OR5H14: variants seen among roughly 807,000 people sequenced by gnomAD.
The protein encoded by OR5H14 is olfactory receptor 5H14.
For missense variants in OR5H14, 392 were observed against 363.9 expected, an observed-to-expected ratio of 1.08 and a Z score of -0.63; for synonymous variants, 155 against 130.6, an observed-to-expected ratio of 1.19 and a Z score of -1.28.
chr3:98,149,735 C>T lies in OR5H14; in HGVS notation c.350C>T (p.Thr117Ile), dbSNP rs1559807885. Residue 117 changes from threonine to isoleucine, a missense_variant, in exon 2 of 2, where the codon ACA becomes ATA. By Grantham distance (89) the Thr-to-Ile change is moderately conservative. Transcript: ENST00000641380. ...SVTTECFLLATMAYDRYVAIC... is the reference protein window; with the variant it reads ...SVTTECFLLAIMAYDRYVAIC... ...ACCACGGAATGTTTTCTCTTGGCAA[C>T]AATGGCATATGATCGCTATGTAGCC... is the stretch of plus-strand genomic sequence containing the variant. The T allele has an allele frequency of 6.2e-7, 1 of 1,613,228 alleles. No individual in the cohort carries two copies. The highest frequency in any genetic ancestry group is 8.5e-7 in the Non-Finnish European group (1 of 1,179,638).
chr3:98,149,616 G>T lies in OR5H14; in HGVS notation c.231G>T (p.Val77=), dbSNP rs1486169183. 8.7e-6 allele frequency: 14 copies of T among 1,613,464 alleles called. 1 individual carries two copies. Among genetic ancestry groups the T allele is most frequent in the African/African-American group, 5.3e-5 (4 of 74,878 alleles). The stretch of plus-strand genomic sequence containing the variant: ...TGGATGCTTTGTTATCATCCTCAGT[G>T]ACTCTGAAGATGCTGATCAACTTCT... The part of the protein sequence containing the change: ...AFVDALLSSS[V]TLKMLINFLA... Residue 77 remains valine, a synonymous_variant, in exon 2 of 2, where the codon GTG becomes GTT. Transcript: ENST00000641380.
rs1190092335 is a variant in OR5H14 at position 98,155,137 on chromosome 3, A to C, written c.*4819A>C. On this transcript the variant is annotated 3_prime_UTR_variant, in exon 2 of 2. Coordinates refer to ENST00000641380, the MANE Select transcript of OR5H14 (RefSeq NM_001005514.2). ...CCACCCCCCTGCTGCAGGATCCACAAGAAGACAGTTTTAACCCCTATGATT... is the reference window on the plus strand; with the variant it reads ...CCACCCCCCTGCTGCAGGATCCACACGAAGACAGTTTTAACCCCTATGATT... 1.3e-5 allele frequency: 2 copies of C among 148,228 alleles called. No homozygotes were observed. The highest frequency in any genetic ancestry group is 3.0e-5 in the Non-Finnish European group (2 of 67,320). The allele number at this position is 148,228 out of a possible 1,614,324, so 9.2% of individuals were successfully genotyped here.
Position 98,149,770 on chromosome 3 carries a change from C to T in OR5H14, c.385C>T (p.Pro129Ser). ...AYDRYVAICKPLLYPAIMTNG... is the reference protein window; with the variant it reads ...AYDRYVAICKSLLYPAIMTNG... ...TGATCGCTATGTAGCCATATGCAAA[C>T]CCTTACTTTATCCAGCCATTATGAC... The change falls in exon 2 of 2, where the codon CCC becomes TCC. Residue 129 changes from proline (P) to serine (S), a missense_variant. Physicochemically the swap from Pro to Ser is moderately conservative, Grantham distance 74. Coordinates refer to ENST00000641380, the MANE Select transcript of OR5H14 (RefSeq NM_001005514.2). 2 of 1,612,680 alleles carry T rather than the reference C, an allele frequency of 1.2e-6. No homozygotes were observed. The highest frequency in any genetic ancestry group is 2.2e-5 in the South Asian group (2 of 91,066).
rs995759660 is a variant in OR5H14 at position 98,151,551 on chromosome 3, C to T, written c.*1233C>T. The stretch of plus-strand genomic sequence containing the variant: ...CCCTTCTAGCACTCATTCATTCCCC[C>T]ATTTTGATGTCAGATTGTTTTTTCA... On this transcript the variant is annotated 3_prime_UTR_variant, in exon 2 of 2. Coordinates refer to ENST00000641380, the MANE Select transcript of OR5H14 (RefSeq NM_001005514.2). 2.0e-5 allele frequency: 3 copies of T among 152,054 alleles called. No individual in the cohort carries two copies. Among genetic ancestry groups the T allele is most frequent in the African/African-American group, 7.2e-5 (3 of 41,416 alleles). The allele number at this position is 152,054 out of a possible 1,614,324, so 9.4% of individuals were successfully genotyped here. A position where few individuals can be genotyped will look rare whatever the true frequency, so the allele number is the denominator to read the frequency against.
chr3:98,150,053 A>G lies in OR5H14; in HGVS notation c.668A>G (p.Tyr223Cys), dbSNP rs1419347674. 7 of 1,611,594 alleles carry G rather than the reference A, an allele frequency of 4.3e-6. No homozygotes were observed. The African/African-American group carries it at 5.4e-5, about 12-fold the overall frequency. ...TVLISYIFVL[Y>C]TILKKKSVKG... Reference sequence around the variant, plus strand: ...CTTATATCTTACATATTTGTCCTCTATACAATCTTGAAAAAGAAGTCTGTC... The same window carrying G: ...CTTATATCTTACATATTTGTCCTCTGTACAATCTTGAAAAAGAAGTCTGTC... Residue 223 changes from tyrosine to cysteine, a missense_variant, in exon 2 of 2, where the codon TAT becomes TGT. Physicochemically the swap from Tyr to Cys is radical, Grantham distance 194. Coordinates refer to ENST00000641380, the MANE Select transcript of OR5H14 (RefSeq NM_001005514.2).
In OR5H14 at chr3:98,149,585, C is replaced by A. The variant is rs776414740; in HGVS notation, c.200C>A (p.Ala67Asp). The change falls in exon 2 of 2, where the codon GCT (alanine) becomes GAT (aspartate). Residue 67 changes from alanine (A) to aspartate (D), a missense_variant. Coordinates refer to ENST00000641380, the MANE Select transcript of OR5H14 (RefSeq NM_001005514.2). Reference sequence around the variant, plus strand: ...ATGTACTTACTCCTTGGGAATTTAGCTTTTGTGGATGCTTTGTTATCATCC... The same window carrying A: ...ATGTACTTACTCCTTGGGAATTTAGATTTTGTGGATGCTTTGTTATCATCC... Reference protein sequence around the residue: ...IPMYLLLGNLAFVDALLSSSV... With the variant: ...IPMYLLLGNLDFVDALLSSSV... The A allele has an allele frequency of 4.3e-6, 7 of 1,613,532 alleles. No individual in the cohort carries two copies. In the South Asian group the frequency reaches 5.5e-5, roughly 13 times the overall value.
rs1194437104 is a variant in OR5H14, at chr3:98,152,210, A to G, written c.*1892A>G. ...CATTTATCCTGTTGGTGGGAGTGTA[A>G]TTAGTTCAACCTTTGTGGAAGACAG... On this transcript the variant is annotated 3_prime_UTR_variant, in exon 2 of 2. Coordinates refer to ENST00000641380, the MANE Select transcript of OR5H14 (RefSeq NM_001005514.2). 1 of 152,154 alleles carries G rather than the reference A, an allele frequency of 6.6e-6. No individual in the cohort carries two copies. The highest frequency in any genetic ancestry group is 1.5e-5 in the Non-Finnish European group (1 of 68,032). 9.4% of individuals were successfully genotyped at this position (152,154 alleles called of 1,614,324 possible).
chr3:98,150,151 G>T lies in OR5H14; in HGVS notation c.766G>T (p.Ala256Ser). ...LSVSLYYGPL[A>S]FMYMGSASPQ... is the part of the protein sequence containing the mutation. ...TGTATCTTTATACTATGGGCCCCTC[G>T]CCTTCATGTATATGGGCTCTGCATC... is the stretch of plus-strand genomic sequence containing the variant. The change falls in exon 2 of 2, where the codon GCC becomes TCC. Residue 256 changes from alanine (A) to serine (S), a missense_variant. By Grantham distance (99) the Ala-to-Ser change is moderately conservative (BLOSUM62 1). Transcript: ENST00000641380. 6.2e-7 allele frequency: 1 copy of T among 1,611,958 alleles called. No homozygotes were observed. The highest frequency in any genetic ancestry group is 8.5e-7 in the Non-Finnish European group (1 of 1,179,466).
rs1445834334 is a variant in OR5H14 at position 98,151,093 on chromosome 3, TAGAAA to T, written c.*784_*788del. On this transcript the variant is annotated 3_prime_UTR_variant, in exon 2 of 2. Coordinates refer to ENST00000641380, the MANE Select transcript of OR5H14 (RefSeq NM_001005514.2). ...AATAGAACTTAGTTTAAAGTGGGGA[TAGAAA>T]AGAAAAGATAAATGGCATAGTGGGA... The T allele has an allele frequency of 6.6e-6, 1 of 151,930 alleles. No individual in the cohort carries two copies. The highest frequency in any genetic ancestry group is 2.4e-5 in the African/African-American group (1 of 41,356). The allele number at this position is 151,930 out of a possible 1,614,324, so 9.4% of individuals were successfully genotyped here. A position where few individuals can be genotyped will look rare whatever the true frequency, so the allele number is the denominator to read the frequency against.
In OR5H14 at chr3:98,152,102, A is replaced by T. The variant is rs1366182555; in HGVS notation, c.*1784A>T. ...ATGCAAATCAAAACCACAGTGAGATACCATCTCACGCCAGTTAGAATGGCA... is the reference window on the plus strand; with the variant it reads ...ATGCAAATCAAAACCACAGTGAGATTCCATCTCACGCCAGTTAGAATGGCA... On this transcript the variant is annotated 3_prime_UTR_variant, in exon 2 of 2. Transcript: ENST00000641380. 1.3e-5 allele frequency: 2 copies of T among 152,202 alleles called. No individual in the cohort carries two copies. Among genetic ancestry groups the T allele is most frequent in the African/African-American group, 4.8e-5 (2 of 41,450 alleles). The allele number at this position is 152,202 out of a possible 1,614,324, so 9.4% of individuals were successfully genotyped here. A position where few individuals can be genotyped will look rare whatever the true frequency, so the allele number is the denominator to read the frequency against.
intron 1 of OR5H14, 106 bp from the exon 2 acceptor site, chr3:98,149,262 A>T (rs1446334630): frequency 4.3e-6 from 5 of 1,169,098 alleles, no homozygotes; most frequent in Non-Finnish European, 6.0e-6. Flanking sequence ...ATGATCAAAA[A>T]ATTGAGTCTC....
rs1371984665 is a variant in OR5H14, at chr3:98,153,811, A to G, written c.*3493A>G. The G allele has an allele frequency of 6.6e-6, 1 of 152,172 alleles. No homozygotes were observed. Among genetic ancestry groups the G allele is most frequent in the East Asian group, 1.9e-4 (1 of 5,194 alleles). The allele number at this position is 152,172 out of a possible 1,614,324, so 9.4% of individuals were successfully genotyped here. A position where few individuals can be genotyped will look rare whatever the true frequency, so the allele number is the denominator to read the frequency against. ...TTTAGCAGCCAGCTCAGTTGCATGT[A>G]TGAAGATTGTCCTCTGAAGTTTATA... On this transcript the variant is annotated 3_prime_UTR_variant, in exon 2 of 2. Coordinates refer to ENST00000641380, the MANE Select transcript of OR5H14 (RefSeq NM_001005514.2).
intron 1 of OR5H14, among the ~76,000 whole-genome samples, chr3:98,148,665 A>G (rs192578854): frequency 3.9e-5 from 6 of 152,142 alleles, no homozygotes; most frequent in East Asian, 3.9e-4. Flanking sequence ...TTGTCTTACC[A>G]TCTCTTCCAA....
At position 98,155,325 on chromosome 3, in the gene OR5H14, T is replaced by C. The variant is rs1576108039; in HGVS notation, c.*5007T>C. 6.6e-6 allele frequency: 1 copy of C among 152,220 alleles called. No individual in the cohort carries two copies. The highest frequency in any genetic ancestry group is 2.4e-5 in the African/African-American group (1 of 41,472). 9.4% of individuals were successfully genotyped at this position (152,220 alleles called of 1,614,324 possible). Reference sequence around the variant, plus strand: ...AATTCTATATGGATTAAACTCTCTATTGTAATTCCTCTGTCTTGGTAATGG... The same window carrying C: ...AATTCTATATGGATTAAACTCTCTACTGTAATTCCTCTGTCTTGGTAATGG... On this transcript the variant is annotated 3_prime_UTR_variant, in exon 2 of 2. Transcript: ENST00000641380.
At position 98,150,179 on chromosome 3, in the gene OR5H14, C is replaced by T. The variant is rs763447194; in HGVS notation, c.794C>T (p.Pro265Leu). 5.0e-6 allele frequency: 8 copies of T among 1,612,726 alleles called. No homozygotes were observed. Among genetic ancestry groups the T allele is most frequent in the Middle Eastern group, 1.7e-4 (1 of 5,734 alleles). Residue 265 changes from proline (P) to leucine (L), a missense_variant, in exon 2 of 2, where the codon CCA (proline) becomes CTA (leucine). Transcript: ENST00000641380. The stretch of plus-strand genomic sequence containing the variant: ...TTCATGTATATGGGCTCTGCATCCC[C>T]ACAGGCTGATGACCAAGATATGATG... ...LAFMYMGSAS[P>L]QADDQDMMES...
chr3:98,149,016 T>C (rs1009758905), intron 1 of OR5H14, among the ~76,000 whole-genome samples: 3 of 152,070 alleles, frequency 2.0e-5, no homozygotes, highest in Non-Finnish European at 4.4e-5. Context: ...ATATAAAGTT[T>C]AAGATTCTTC....
Position 98,156,429 on chromosome 3 carries a change from T to C in OR5H14, c.*6111T>C, listed in dbSNP as rs1708590943. 6.6e-6 allele frequency: 1 copy of C among 152,190 alleles called. No homozygotes were observed. Among genetic ancestry groups the C allele is most frequent in the African/African-American group, 2.4e-5 (1 of 41,468 alleles). The allele number at this position is 152,190 out of a possible 1,614,324, so 9.4% of individuals were successfully genotyped here. On this transcript the variant is annotated 3_prime_UTR_variant, in exon 2 of 2. Transcript: ENST00000641380. Reference sequence around the variant, plus strand: ...GAAGAATCTTTGTATCTCATTATTATGGTTAAAATCTTGACAAGCAAAATA... The same window carrying C: ...GAAGAATCTTTGTATCTCATTATTACGGTTAAAATCTTGACAAGCAAAATA...
chr3:98,147,566 A>C lies in OR5H14; in HGVS notation c.-19+12A>C, dbSNP rs1333607490. ...TTTCAAAAATATGGGTAAGGAAGAA[A>C]TAATTTTTGTAATTTTCATTATGCT... On this transcript the variant is annotated intron_variant, in intron 1 of 1. Transcript: ENST00000641380. The C allele has an allele frequency of 1.3e-5, 2 of 152,126 alleles. No homozygotes were observed. Among genetic ancestry groups the C allele is most frequent in the Non-Finnish European group, 2.9e-5 (2 of 67,998 alleles). The allele number at this position is 152,126 out of a possible 1,614,324, so 9.4% of individuals were successfully genotyped here. A position where few individuals can be genotyped will look rare whatever the true frequency, so the allele number is the denominator to read the frequency against.
chr3:98,149,860 C>T lies in OR5H14; in HGVS notation c.475C>T (p.His159Tyr). 6.2e-7 allele frequency: 1 copy of T among 1,612,944 alleles called. No individual in the cohort carries two copies. Among genetic ancestry groups the T allele is most frequent in the Non-Finnish European group, 8.5e-7 (1 of 1,179,722 alleles). The change falls in exon 2 of 2, where the codon CAT (histidine) becomes TAT (tyrosine). Residue 159 changes from histidine to tyrosine, a missense_variant. His to Tyr is a moderately conservative substitution (Grantham distance 83). Transcript: ENST00000641380. ...YVGGLLHALI[H>Y]EGFLFRLTFC... is the part of the protein sequence containing the mutation. ...AGGTGGTCTTCTTCATGCTTTAATC[C>T]ATGAAGGATTTTTATTCAGACTAAC...
Sources: allele counts gnomAD v4.1 joint callset (sites outside exome capture counted in the v4.1 genomes callset), GRCh38; gene constraint gnomAD v4.1.1; transcripts MANE v1.5; gene names NCBI Gene and HGNC (gene_info 2026-07-23, HGNC 2026-07-21).